Variants in PRKG2 observed in about 807,000 individuals in gnomAD.
PRKG2 encodes protein kinase cGMP-dependent 2, also known as cGMP-dependent protein kinase 2.
In PRKG2, 33 loss-of-function variants were observed where a neutral mutation model predicts 97.2. That is an observed-to-expected ratio of 0.34 (90% CI 0.26 to 0.45). PRKG2 has a LOEUF of 0.45. Ranked by LOEUF, PRKG2 falls within the 20% of genes least tolerant of loss-of-function variation. The pLI is 1.00. For synonymous variants in PRKG2, 330 were observed against 321.8 expected (o/e 1.03, Z -0.27); for missense variants, 638 against 900.0 (o/e 0.71, Z 3.73).
chr4:81,092,268 G>A (rs1297517705), intron 18 of PRKG2, 118 bp downstream of exon 18: 1 of 550,674 alleles, frequency 1.8e-6, no homozygotes, highest in Non-Finnish European at 3.1e-6. Context: ...AATAAAAACT[G>A]CTTTAAAAAA....
intron 2 of PRKG2, among the ~76,000 whole-genome samples, chr4:81,186,295 A>T (rs1211785992): frequency 1.3e-5 from 2 of 152,218 alleles, no homozygotes; most frequent in African/African-American, 4.8e-5. Context: ...GTGCAATGAA[A>T]TTAGAACTCA....
chr4:81,196,726 A>G (rs1255617533), intron 2 of PRKG2, among the ~76,000 whole-genome samples: 1 of 151,676 alleles, frequency 6.6e-6, no homozygotes, highest in Non-Finnish European at 1.5e-5. Context: ...TATAAAATAT[A>G]AAATATTCTC....
At chr4:81,136,954 CTA>C in intron 13 of PRKG2, among the ~76,000 whole-genome samples, 1 of 152,250 alleles carries the variant, frequency 6.6e-6, no homozygotes, top group African/African-American at 2.4e-5. Flanking sequence ...TAGTAAATAT[CTA>C]TGATTTTAAT....
chr4:81,141,300 C>T (rs1344471335), intron 11 of PRKG2, among the ~76,000 whole-genome samples: 2 of 152,040 alleles, frequency 1.3e-5, no homozygotes, highest in Admixed American at 6.6e-5. Flanking sequence ...CATGAGCCAC[C>T]GCACCCAGCC....
chr4:81,137,905 T>C (rs922703008), intron 12 of PRKG2, among the ~76,000 whole-genome samples: 4 of 152,192 alleles, frequency 2.6e-5, no homozygotes, highest in African/African-American at 9.7e-5. Flanking sequence ...CAATGTCTTA[T>C]ATCCCCTAGT....
In PRKG2 at chr4:81,167,212, C is replaced by A; in HGVS notation, c.861G>T (p.Leu287=). 6.3e-7 allele frequency: 1 copy of A among 1,591,268 alleles called. No individual in the cohort carries two copies. The highest frequency in any genetic ancestry group is 8.6e-7 in the Non-Finnish European group (1 of 1,169,286). The change falls in exon 6 of 19, where the codon CTG becomes CTT. Residue 287 remains leucine, a synonymous_variant. Coordinates refer to ENST00000264399, the MANE Select transcript of PRKG2 (RefSeq NM_006259.3). ...YRNFLRSVSL[L]KNLPEDKLTK... is the part of the protein sequence containing the mutation. ...TTAATTTATCTTCAGGTAAATTCTT[C>A]AGCAAGGATACACTTCAAAATTAAA...
At chr4:81,201,836 C>T (rs570327404) in intron 2 of PRKG2, among the ~76,000 whole-genome samples, 1 of 152,264 alleles carries the variant, frequency 6.6e-6, no homozygotes, top group East Asian at 1.9e-4. Flanking sequence ...ATCAGAAATA[C>T]TCTCTTAGAC....
At chr4:81,118,298 T>G (rs1744749289) in intron 14 of PRKG2, among the ~76,000 whole-genome samples, 1 of 152,214 alleles carries the variant, frequency 6.6e-6, no homozygotes, top group African/African-American at 2.4e-5. Flanking sequence ...TGCTATAAAC[T>G]TCTGTGTATA....
intron 1 of PRKG2, among the ~76,000 whole-genome samples, chr4:81,212,292 A>ACC (rs1438074297): frequency 6.3e-5 from 4 of 63,090 alleles, no homozygotes; most frequent in African/African-American, 2.4e-4. Flanking sequence ...CCTCCCTCCC[A>ACC]CCCCCCCAGC....
At chr4:81,141,498 A>G (rs2110039248) in intron 11 of PRKG2, among the ~76,000 whole-genome samples, 1 of 152,358 alleles carries the variant, frequency 6.6e-6, no homozygotes, top group South Asian at 2.1e-4. Context: ...CCCTCAGCAC[A>G]GTTCTATTAA....
rs139196208 is a variant in PRKG2 at position 81,131,578 on chromosome 4, T to C, written c.1776+3577A>G. On this transcript the variant is annotated intron_variant, in intron 14 of 18. Coordinates refer to ENST00000264399, the MANE Select transcript of PRKG2 (RefSeq NM_006259.3). ...GCAAATATTTGTATTCTAAGAAATA[T>C]TGGCCCACCTCAAATTGTGAAAATA... Among the ~76,000 whole-genome samples the C allele has an allele frequency of 4.5e-3, 678 of 152,334 alleles. 3 individuals are homozygous for C. The highest frequency in any genetic ancestry group is 0.016 in the African/African-American group (650 of 41,584).
intron 2 of PRKG2, among the ~76,000 whole-genome samples, chr4:81,183,418 G>T (rs1751592324): frequency 6.6e-6 from 1 of 152,110 alleles, no homozygotes; most frequent in African/African-American, 2.4e-5. Context: ...GCCAAGGGAA[G>T]CCATGAGGGA....
chr4:81,204,629 G>C lies in PRKG2; in HGVS notation c.419C>G (p.Pro140Arg), dbSNP rs991077506. The C allele has an allele frequency of 2.5e-6, 4 of 1,613,968 alleles. No individual in the cohort carries two copies. Among genetic ancestry groups the C allele is most frequent in the Admixed American group, 1.7e-5 (1 of 59,968 alleles). Residue 140 changes from proline to arginine, a missense_variant, in exon 2 of 19, where the codon CCT (proline) becomes CGT (arginine). Around this residue, in one of 3 missense-constraint regions of PRKG2, gnomAD observed 332 missense variants for 421.7 expected, o/e 0.79. Transcript: ENST00000264399. The part of the protein sequence containing the change: ...TTRTYDLNKP[P>R]EFSFEKARVR... ...TCTTGCTTTCTCAAAGGAAAATTCA[G>C]GGGGTTTGTTCAGGTCATAGGTCCG...
Position 81,089,534 on chromosome 4 carries a change from C to A in PRKG2, c.*174G>T. ...TAATTCACAGCATCTAAATAAGACA[C>A]TATAACTCAGAACCATATCCACACC... On this transcript the variant is annotated 3_prime_UTR_variant, in exon 19 of 19. Transcript: ENST00000264399. 1.9e-6 allele frequency: 1 copy of A among 513,710 alleles called. No individual in the cohort carries two copies. Among genetic ancestry groups the A allele is most frequent in the South Asian group, 3.6e-5 (1 of 27,632 alleles). 31.8% of individuals were successfully genotyped at this position (513,710 alleles called of 1,614,324 possible). A position where few individuals can be genotyped will look rare whatever the true frequency, so the allele number is the denominator to read the frequency against.
At position 81,205,009 on chromosome 4, in the gene PRKG2, G is replaced by A. The variant is rs757688228; in HGVS notation, c.39C>T (p.His13=). The A allele has an allele frequency of 3.1e-6, 5 of 1,613,154 alleles. No homozygotes were observed. The African/African-American group carries it at 5.3e-5, about 17-fold the overall frequency. ...NGSVKPKHSK[H]PDGHSGNLTT... ...TGAGGTTCCCAGAGTGTCCATCTGG[G>A]TGCTTAGAATGTTTAGGTTTCACTG... The change falls in exon 2 of 19, where the codon CAC becomes CAT. Residue 13 remains histidine, a synonymous_variant. Transcript: ENST00000264399.
chr4:81,204,978 C>G lies in PRKG2; in HGVS notation c.70G>C (p.Asp24His). The G allele has an allele frequency of 6.2e-7, 1 of 1,614,088 alleles. No homozygotes were observed. The change falls in exon 2 of 19, where the codon GAT (aspartate) becomes CAT (histidine). Residue 24 changes from aspartate (D) to histidine (H), a missense_variant. By Grantham distance (81) the Asp-to-His change is moderately conservative. This residue lies in a region of PRKG2 where 332 missense variants were observed against 421.7 expected (regional missense o/e 0.79). Coordinates refer to ENST00000264399, the MANE Select transcript of PRKG2 (RefSeq NM_006259.3). ...PDGHSGNLTT[D>H]ALRNKVTELE... ...TCTGTCACCTTGTTCCGCAGAGCATCAGTGGTGAGGTTCCCAGAGTGTCCA... is the reference window on the plus strand; with the variant it reads ...TCTGTCACCTTGTTCCGCAGAGCATGAGTGGTGAGGTTCCCAGAGTGTCCA...
At chr4:81,169,057 T>C (rs1750234557) in intron 5 of PRKG2, among the ~76,000 whole-genome samples, 1 of 152,030 alleles carries the variant, frequency 6.6e-6, no homozygotes, top group Non-Finnish European at 1.5e-5. Context: ...TTTTTTCACT[T>C]ACACAGACAT....
intron 1 of PRKG2, among the ~76,000 whole-genome samples, chr4:81,214,153 TAAAAA>T (rs11355853): frequency 8.3e-6 from 1 of 120,328 alleles, no homozygotes; most frequent in Non-Finnish European, 1.7e-5. Context: ...CTCTCTTCCT[TAAAAA>T]AAAAAAAAAA....
At chr4:81,197,227 A>G (rs1753013312) in intron 2 of PRKG2, among the ~76,000 whole-genome samples, 3 of 152,298 alleles carry the variant, frequency 2.0e-5, no homozygotes, top group Admixed American at 1.3e-4. Context: ...CTTCCTGGGT[A>G]TCTAGCAAGG....
Sources: gnomAD v4.1 joint callset for allele counts (sites outside exome capture counted in the v4.1 genomes callset) on GRCh38, gnomAD v4.1.1 for gene constraint, gnomAD v4.1.1 regional missense constraint, MANE v1.5 for transcripts, NCBI Gene and HGNC (gene_info 2026-07-23, HGNC 2026-07-21) for gene names.